The following ADGRG1 variants were observed in gnomAD, a reference collection of about 807,000 sequenced individuals.
ADGRG1 encodes 7-transmembrane protein with no EGF-like N-terminal domains-1.
Under a neutral mutation model 73.5 loss-of-function variants are expected in ADGRG1, and 53 were observed. The ratio of observed to expected loss-of-function variants is 0.72; its 90% CI spans 0.58 to 0.91. ADGRG1 has a LOEUF of 0.91. Ranked by LOEUF, ADGRG1 falls within the 40% of genes least tolerant of loss-of-function variation. The probability of loss-of-function intolerance (pLI) is 0.00; values close to 1 mark genes in which losing one functional copy is unlikely to be tolerated. For synonymous variants in ADGRG1, 394 were observed against 374.4 expected, an observed-to-expected ratio of 1.05 and a Z score of -0.60; for missense variants, 795 against 871.8, an observed-to-expected ratio of 0.91 and a Z score of 1.11.
At chr16:57,644,636 T>G (rs2041926974) in intron 1 of ADGRG1, among the ~76,000 whole-genome samples, 1 of 135,634 alleles carries the variant, frequency 7.4e-6, no homozygotes, top group African/African-American at 2.9e-5. Flanking sequence ...ACATGCACAC[T>G]CATGCATGGG....
chr16:57,659,032 A>G (rs2046407969), intron 10 of ADGRG1: 1 of 985,184 alleles, frequency 1.0e-6, no homozygotes, highest in Admixed American at 6.2e-5. Context: ...TCACAGGTGC[A>G]CAGTTGTGCA....
intron 1 of ADGRG1, chr16:57,632,801 C>G: frequency 4.1e-6 from 4 of 985,430 alleles, no homozygotes; most frequent in Non-Finnish European, 3.6e-6. Context: ...CACCGGTGGA[C>G]AGGCCTCTCT....
chr16:57,661,192 C>A, intron 12 of ADGRG1: 1 of 689,062 alleles, frequency 1.5e-6, no homozygotes, highest in Non-Finnish European at 1.8e-6. Flanking sequence ...TCTCTGTCTC[C>A]CCATGCAGAT....
At chr16:57,653,135 G>A (rs2044541562) in intron 3 of ADGRG1, 68 bp from the exon 4 acceptor site, 1 of 1,598,236 alleles carries the variant, frequency 6.3e-7, no homozygotes. Context: ...GGTGGTAGGG[G>A]GCAGAATGGG....
intron 1 of ADGRG1, chr16:57,633,465 C>G: frequency 1.0e-6 from 1 of 985,354 alleles, no homozygotes; most frequent in Non-Finnish European, 1.2e-6. Flanking sequence ...CAGACCCTGT[C>G]CCCAGCTGTC....
chr16:57,652,097 C>G, intron 3 of ADGRG1: 2 of 1,040,976 alleles, frequency 1.9e-6, no homozygotes, highest in Non-Finnish European at 2.3e-6. Context: ...ATGGGAGAGC[C>G]AGGATTTGAA....
chr16:57,639,557 G>A lies in ADGRG1; in HGVS notation c.-35-10696G>A, dbSNP rs568337636. The A allele has an allele frequency of 6.3e-4, 620 of 985,196 alleles. 1 individual carries two copies. The highest frequency in any genetic ancestry group is 7.1e-4 in the Non-Finnish European group (586 of 829,752). The allele number at this position is 985,196 out of a possible 1,614,324, so 61.0% of individuals were successfully genotyped here. ...TCTGTCCTCTTGAAAAAAGGTGGTCGGGGGACATTGACCCACCAGCCCCGC... is the reference window on the plus strand; with the variant it reads ...TCTGTCCTCTTGAAAAAAGGTGGTCAGGGGACATTGACCCACCAGCCCCGC... On this transcript the variant is annotated intron_variant, in intron 1 of 13. Coordinates refer to ENST00000562631, the MANE Select transcript of ADGRG1 (RefSeq NM_201525.4).
At chr16:57,635,150 G>A in intron 1 of ADGRG1, 1 of 985,302 alleles carries the variant, frequency 1.0e-6, no homozygotes, top group Non-Finnish European at 1.2e-6. Context: ...TTATCCAACA[G>A]GCTTGAACCT....
At chr16:57,634,271 C>G in intron 1 of ADGRG1, 1 of 985,308 alleles carries the variant, frequency 1.0e-6, no homozygotes, top group Non-Finnish European at 1.2e-6. Flanking sequence ...GGCAGGGGGT[C>G]AGACAACTGC....
intron 1 of ADGRG1, chr16:57,643,581 G>GGTCT: frequency 3.0e-6 from 3 of 985,306 alleles, no homozygotes; most frequent in Non-Finnish European, 3.6e-6. Context: ...GTGTCCAGCA[G>GGTCT]GTCTGGTGTA....
chr16:57,638,339 C>T (rs1308609613), intron 1 of ADGRG1, among the ~76,000 whole-genome samples: 1 of 152,182 alleles, frequency 6.6e-6, no homozygotes, highest in African/African-American at 2.4e-5. Flanking sequence ...TAAGGTGGGT[C>T]CCCTAGGGCT....
At chr16:57,630,265 C>A in intron 1 of ADGRG1, 1 of 621,426 alleles carries the variant, frequency 1.6e-6, no homozygotes, top group Non-Finnish European at 2.0e-6. Context: ...CATTAATAAC[C>A]ATGGGCTGCC....
chr16:57,643,836 GGAGA>G, intron 1 of ADGRG1: 2 of 983,962 alleles, frequency 2.0e-6, no homozygotes, highest in Non-Finnish European at 2.4e-6. Flanking sequence ...GAATAGGGGA[GGAGA>G]GTGCTTCTGC....
At chr16:57,656,717 C>T in intron 9 of ADGRG1, 100 bp downstream of exon 9, 1 of 805,184 alleles carries the variant, frequency 1.2e-6, no homozygotes, top group Non-Finnish European at 2.2e-6. Context: ...CTCATAACAG[C>T]TCTCCAAGGT....
intron 1 of ADGRG1, chr16:57,645,181 C>A: frequency 1.1e-5 from 11 of 985,472 alleles, no homozygotes; most frequent in Non-Finnish European, 1.2e-5. Flanking sequence ...GCCCCAGCAG[C>A]CCACAGGAGA....
rs2046018721 is a variant in ADGRG1, at chr16:57,657,470, T to C, written c.1265T>C (p.Ile422Thr). The change falls in exon 10 of 14, where the codon ATT becomes ACT. Residue 422 changes from isoleucine to threonine, a missense_variant. By Grantham distance (89) the Ile-to-Thr change is moderately conservative. Transcript: ENST00000562631. ...TCTGCCCTGGCCTGCCTTGTCACCA[T>C]TGCCGCCTACCTCTGCTCCAGGTGA... is the stretch of plus-strand genomic sequence containing the variant. ...VVSALACLVTIAAYLCSRRKP... is the reference protein window; with the variant it reads ...VVSALACLVTTAAYLCSRRKP... 1.9e-6 allele frequency: 3 copies of C among 1,613,718 alleles called. No homozygotes were observed. The highest frequency in any genetic ancestry group is 2.5e-6 in the Non-Finnish European group (3 of 1,179,702).
Position 57,647,487 on chromosome 16 carries a change from C to T in ADGRG1, c.-35-2766C>T, listed in dbSNP as rs761213066. 1.0e-4 allele frequency: 99 copies of T among 947,536 alleles called. No individual in the cohort carries two copies. In the South Asian group the frequency reaches 1.9e-3, roughly 18 times the overall value. The allele number at this position is 947,536 out of a possible 1,614,324, so 58.7% of individuals were successfully genotyped here. A position where few individuals can be genotyped will look rare whatever the true frequency, so the allele number is the denominator to read the frequency against. ...AGACTGATGGCACCTGCCTCTAAGC[C>T]GTTTACAGGTATCAATTCATTTAAT... is the stretch of plus-strand genomic sequence containing the variant. On this transcript the variant is annotated intron_variant, in intron 1 of 13. Transcript: ENST00000562631.
intron 12 of ADGRG1, 106 bp from the exon 13 acceptor site, chr16:57,661,591 A>G (rs1042433349): frequency 2.0e-6 from 3 of 1,525,982 alleles, no homozygotes; most frequent in Non-Finnish European, 2.6e-6. Flanking sequence ...AAACAAGCGC[A>G]CTTGCTGTAA....
In ADGRG1 at chr16:57,655,441, C is replaced by G. The variant is rs768441855; in HGVS notation, c.811C>G (p.Arg271Gly). 6.2e-7 allele frequency: 1 copy of G among 1,613,750 alleles called. No homozygotes were observed. Among genetic ancestry groups the G allele is most frequent in the South Asian group, 1.1e-5 (1 of 91,076 alleles). Reference sequence around the variant, plus strand: ...CATGGAGTACTCGGTGCTGCTGCCTCGAACACTCTTCCAGAGGACGAAAGG... The same window carrying G: ...CATGGAGTACTCGGTGCTGCTGCCTGGAACACTCTTCCAGAGGACGAAAGG... ...EIMEYSVLLP[R>G]TLFQRTKGRS... Residue 271 changes from arginine to glycine, a missense_variant, in exon 6 of 14, where the codon CGA becomes GGA. Physicochemically the swap from Arg to Gly is moderately radical, Grantham distance 125 (BLOSUM62 -2). Transcript: ENST00000562631.
Sources: gnomAD v4.1 joint callset for allele counts (sites outside exome capture counted in the v4.1 genomes callset) on GRCh38, gnomAD v4.1.1 for gene constraint, MANE v1.5 for transcripts, NCBI Gene and HGNC (gene_info 2026-07-23, HGNC 2026-07-21) for gene names.